DIP2C: variants seen among roughly 807,000 people sequenced by gnomAD.
DIP2C encodes disco-interacting protein 2 homolog C.
Under a neutral mutation model 192.4 loss-of-function variants are expected in DIP2C, and 33 were observed. That is an observed-to-expected ratio of 0.17 (90% CI 0.13 to 0.23). DIP2C has a LOEUF of 0.23. DIP2C is among the 10% of genes least tolerant of loss of function. The pLI, the probability that DIP2C is intolerant of heterozygous loss-of-function variation, is 1.00. For synonymous variants in DIP2C, 979 were observed against 864.1 expected (o/e 1.13, Z -2.33); for missense variants, 1,537 against 2,110.1 (o/e 0.73, Z 5.32).
chr10:579,651 C>T (rs904574376), intron 1 of DIP2C, among the ~76,000 whole-genome samples: 1 of 152,062 alleles, frequency 6.6e-6, no homozygotes, highest in Non-Finnish European at 1.5e-5. Context: ...ATAGAGCAAA[C>T]ATCCAGATCC....
chr10:342,228 C>T (rs1475449684), intron 28 of DIP2C, among the ~76,000 whole-genome samples: 2 of 152,084 alleles, frequency 1.3e-5, no homozygotes, highest in African/African-American at 4.8e-5. Context: ...GTGCGATCTC[C>T]GCTCACTGCA....
intron 1 of DIP2C, among the ~76,000 whole-genome samples, chr10:605,502 TACTC>T (rs978722675): frequency 1.3e-5 from 2 of 152,226 alleles, no homozygotes; most frequent in Non-Finnish European, 1.5e-5. Flanking sequence ...CATAAACTGT[TACTC>T]ACACAAGACT....
chr10:434,531 C>T (rs1257430247), intron 4 of DIP2C, among the ~76,000 whole-genome samples: 1 of 152,134 alleles, frequency 6.6e-6, no homozygotes, highest in Non-Finnish European at 1.5e-5. Flanking sequence ...CCTTGGCCTC[C>T]CAGAGTGTTA....
chr10:414,848 ATATTTGTGTGTGTGTGTGTGTGTGTG>A (rs1965502266), intron 7 of DIP2C, among the ~76,000 whole-genome samples: 3 of 109,124 alleles, frequency 2.7e-5, no homozygotes, highest in African/African-American at 1.1e-4. Flanking sequence ...ACACACATAT[ATATTTGTGTGTGTGTGTGTGTGTGTG>A]TGTGTGTGTG....
At chr10:449,927 AAAAAAAAAAG>A (rs2133324284) in intron 3 of DIP2C, among the ~76,000 whole-genome samples, 1 of 138,832 alleles carries the variant, frequency 7.2e-6, no homozygotes, top group African/African-American at 3.1e-5. Flanking sequence ...CAACAAAAAA[AAAAAAAAAAG>A]AAAATCTGAG....
At chr10:438,066 CCT>C (rs1157265578) in intron 4 of DIP2C, among the ~76,000 whole-genome samples, 2 of 152,176 alleles carry the variant, frequency 1.3e-5, no homozygotes, top group Non-Finnish European at 2.9e-5. Context: ...CACAAGGACT[CCT>C]GATGAAAATT....
chr10:553,379 G>A (rs1370169041), intron 1 of DIP2C, among the ~76,000 whole-genome samples: 2 of 152,192 alleles, frequency 1.3e-5, no homozygotes, highest in East Asian at 1.9e-4. Context: ...CACAGGTGCC[G>A]CCACTAAGTC....
intron 34 of DIP2C, 74 bp from the exon 35 acceptor site, chr10:283,520 A>G: frequency 6.6e-7 from 1 of 1,518,686 alleles, no homozygotes; most frequent in Non-Finnish European, 9.0e-7. Flanking sequence ...AACTACTTTG[A>G]CAATTCAGTA....
intron 1 of DIP2C, among the ~76,000 whole-genome samples, chr10:499,704 A>ACCT (rs1326899686): frequency 6.6e-6 from 1 of 151,984 alleles, no homozygotes; most frequent in African/African-American, 2.4e-5. Flanking sequence ...GGATCCAATC[A>ACCT]CCTCCCCAGG....
intron 6 of DIP2C, among the ~76,000 whole-genome samples, chr10:418,734 A>C (rs1369498035): frequency 6.6e-6 from 1 of 152,260 alleles, no homozygotes; most frequent in Non-Finnish European, 1.5e-5. Flanking sequence ...TCATGGTCTT[A>C]ACACACCTGT....
intron 29 of DIP2C, among the ~76,000 whole-genome samples, chr10:339,832 TAC>T: frequency 6.6e-6 from 1 of 152,364 alleles, no homozygotes; most frequent in Middle Eastern, 3.4e-3. Flanking sequence ...AATACAGAAT[TAC>T]ATTTTAATAC....
intron 1 of DIP2C, among the ~76,000 whole-genome samples, chr10:680,974 G>A (rs1831108355): frequency 6.6e-6 from 1 of 152,088 alleles, no homozygotes; most frequent in Non-Finnish European, 1.5e-5. Flanking sequence ...CAGTTGCATG[G>A]TGCAGCCACC....
chr10:604,668 A>G (rs996326194), intron 1 of DIP2C, among the ~76,000 whole-genome samples: 4 of 152,230 alleles, frequency 2.6e-5, no homozygotes, highest in Non-Finnish European at 5.9e-5. Context: ...TTTTATCCAA[A>G]AAGTTCTCTA....
intron 1 of DIP2C, among the ~76,000 whole-genome samples, chr10:590,170 C>CCA (rs1280656459): frequency 6.6e-6 from 1 of 152,210 alleles, no homozygotes; most frequent in Non-Finnish European, 1.5e-5. Flanking sequence ...GGCCTGAGCC[C>CCA]CACCACTGAG....
At chr10:479,487 C>T (rs767434562) in intron 2 of DIP2C, among the ~76,000 whole-genome samples, 6 of 151,980 alleles carry the variant, frequency 3.9e-5, no homozygotes, top group African/African-American at 7.2e-5. Context: ...GCACCCATCA[C>T]GATGCCTGGC....
intron 1 of DIP2C, among the ~76,000 whole-genome samples, chr10:547,369 G>A (rs947644482): frequency 6.6e-6 from 1 of 152,190 alleles, no homozygotes; most frequent in Admixed American, 6.5e-5. Context: ...CCAAGTGTGT[G>A]TAACAGGGCC....
chr10:671,162 G>A (rs1233065857), intron 1 of DIP2C, among the ~76,000 whole-genome samples: 1 of 152,230 alleles, frequency 6.6e-6, no homozygotes, highest in African/African-American at 2.4e-5. Context: ...GCAAACCCCT[G>A]CCACACAGGG....
At chr10:334,320 A>AAAG (rs1554821663) in intron 29 of DIP2C, among the ~76,000 whole-genome samples, 3 of 151,430 alleles carry the variant, frequency 2.0e-5, no homozygotes, top group East Asian at 1.9e-4. Flanking sequence ...AAAAAAAAAA[A>AAAG]AAAAAGAAAA....
chr10:471,657 G>T (rs562980645), intron 3 of DIP2C, among the ~76,000 whole-genome samples: 3 of 152,140 alleles, frequency 2.0e-5, no homozygotes, highest in Non-Finnish European at 4.4e-5. Context: ...AACTACAAAA[G>T]AATTCACAGG....
Sources: allele counts gnomAD v4.1 joint callset (sites outside exome capture counted in the v4.1 genomes callset), GRCh38; gene constraint gnomAD v4.1.1; transcripts MANE v1.5; gene names NCBI Gene and HGNC (gene_info 2026-07-23, HGNC 2026-07-21).